NOL4: variants seen among roughly 807,000 people sequenced by gnomAD.
NOL4 encodes the protein cancer/testis antigen 125.
A neutral mutation model predicts 75.9 loss-of-function variants in NOL4; 17 were observed. That is an observed-to-expected ratio of 0.22 (90% confidence interval 0.15 to 0.34). The LOEUF is 0.34. NOL4 is among the 10% of genes least tolerant of loss of function. The probability of loss-of-function intolerance (pLI) is 1.00; values close to 1 mark genes in which losing one functional copy is unlikely to be tolerated. For synonymous variants in NOL4, 292 were observed against 289.9 expected (o/e 1.01, Z -0.07); for missense variants, 614 against 793.5 (o/e 0.77, Z 2.72).
intron 1 of NOL4, among the ~76,000 whole-genome samples, chr18:34,141,745 G>C (rs2145998963): frequency 6.6e-6 from 1 of 152,242 alleles, no homozygotes; most frequent in East Asian, 1.9e-4. Context: ...AGAAAACCTA[G>C]GCAATACCAT....
intron 6 of NOL4, among the ~76,000 whole-genome samples, chr18:33,964,770 T>C (rs2070444546): frequency 6.6e-6 from 1 of 152,150 alleles, no homozygotes; most frequent in Admixed American, 6.5e-5. Flanking sequence ...TGTCTGGAGC[T>C]AAATTCCATT....
chr18:33,874,013 G>T (rs1157520094), intron 10 of NOL4, among the ~76,000 whole-genome samples: 2 of 151,896 alleles, frequency 1.3e-5, no homozygotes, highest in East Asian at 1.9e-4. Context: ...CGGGGATGAA[G>T]AATTCATTTT....
At chr18:33,977,362 G>C (rs1439582860) in intron 6 of NOL4, among the ~76,000 whole-genome samples, 5 of 152,150 alleles carry the variant, frequency 3.3e-5, no homozygotes, top group Admixed American at 3.3e-4. Flanking sequence ...AATCATGGGG[G>C]AGAGTTTTTC....
chr18:33,923,040 A>T (rs2067130366), intron 9 of NOL4, among the ~76,000 whole-genome samples: 1 of 152,134 alleles, frequency 6.6e-6, no homozygotes, highest in Admixed American at 6.5e-5. Context: ...TATATATTTT[A>T]CCTGTCAGCT....
intron 1 of NOL4, among the ~76,000 whole-genome samples, chr18:34,152,415 C>A (rs978486192): frequency 6.6e-6 from 1 of 151,808 alleles, no homozygotes; most frequent in Non-Finnish European, 1.5e-5. Context: ...GGTTTGAAAA[C>A]AAAATAGTCT....
intron 1 of NOL4, among the ~76,000 whole-genome samples, chr18:34,203,475 A>G (rs1481355342): frequency 2.6e-5 from 4 of 151,828 alleles, no homozygotes; most frequent in Non-Finnish European, 5.9e-5. Flanking sequence ...AAATGTCAAA[A>G]AAGACTGGTA....
Position 33,958,360 on chromosome 18 carries a change from C to A in NOL4, c.1115G>T (p.Gly372Val), listed in dbSNP as rs945553282. ...DSGKNESVDR[G>V]AEDLSLNRGD... Reference sequence around the variant, plus strand: ...CCTGTTTAGTGAGAGGTCCTCAGCTCCTCGGTCTACACTCTCATTTTTGCC... The same window carrying A: ...CCTGTTTAGTGAGAGGTCCTCAGCTACTCGGTCTACACTCTCATTTTTGCC... The change falls in exon 7 of 11, where the codon GGA becomes GTA. Residue 372 changes from glycine (G) to valine (V), a missense_variant. Gly to Val is a moderately radical substitution (Grantham distance 109, BLOSUM62 -3). Around this residue, in one of 9 missense-constraint regions of NOL4, gnomAD observed 196 missense variants for 167.9 expected, o/e 1.17. Transcript: ENST00000261592. The A allele has an allele frequency of 2.5e-6, 4 of 1,613,650 alleles. No homozygotes were observed. The highest frequency in any genetic ancestry group is 2.2e-5 in the East Asian group (1 of 44,836).
chr18:34,175,434 C>G (rs192304980), intron 1 of NOL4, among the ~76,000 whole-genome samples: 20 of 152,230 alleles, frequency 1.3e-4, no homozygotes, highest in Admixed American at 1.0e-3. Flanking sequence ...AAAGGAAAAA[C>G]TAGCGAATGA....
intron 5 of NOL4, among the ~76,000 whole-genome samples, chr18:34,039,691 G>T (rs1057261726): frequency 7.9e-5 from 12 of 151,922 alleles, no homozygotes; most frequent in Admixed American, 7.2e-4. Context: ...GAAAACATCA[G>T]CAAAACATTG....
intron 1 of NOL4, among the ~76,000 whole-genome samples, chr18:34,216,186 A>T (rs1356722792): frequency 6.6e-6 from 1 of 152,216 alleles, no homozygotes; most frequent in Non-Finnish European, 1.5e-5. Context: ...ATAGAGTTAG[A>T]CAAGAAATTC....
intron 1 of NOL4, among the ~76,000 whole-genome samples, chr18:34,189,954 C>G (rs12964456): frequency 6.6e-6 from 1 of 150,746 alleles, no homozygotes; most frequent in Non-Finnish European, 1.5e-5. Context: ...TTTAGAGTTA[C>G]AATTCCAATA....
intron 5 of NOL4, among the ~76,000 whole-genome samples, chr18:34,060,023 C>G (rs533765280): frequency 1.3e-5 from 2 of 152,268 alleles, no homozygotes; most frequent in South Asian, 4.1e-4. Flanking sequence ...CCCACCAACA[C>G]TGGGAGAAGC....
At chr18:33,911,463 ACT>A (rs2066400982) in intron 9 of NOL4, among the ~76,000 whole-genome samples, 1 of 151,710 alleles carries the variant, frequency 6.6e-6, no homozygotes, top group Non-Finnish European at 1.5e-5. Flanking sequence ...TAAAAAGAAA[ACT>A]CTGAGTGATT....
In NOL4 at chr18:34,222,096, A is replaced by G. The variant is rs1464388903; in HGVS notation, c.264+894T>C. 8 of 1,534,558 alleles carry G rather than the reference A, an allele frequency of 5.2e-6. No homozygotes were observed. The African/African-American group carries it at 1.1e-4, about 21-fold the overall frequency. The stretch of plus-strand genomic sequence containing the variant: ...AGCCCACAGTTCCCATCTTCTTGTG[A>G]AGAAAATCGACGCTGCTGCGGCTCC... On this transcript the variant is annotated intron_variant, in intron 1 of 10. Transcript: ENST00000261592.
chr18:33,983,686 T>C (rs1259100135), intron 6 of NOL4, among the ~76,000 whole-genome samples: 3 of 151,804 alleles, frequency 2.0e-5, no homozygotes, highest in Non-Finnish European at 4.4e-5. Flanking sequence ...ATAATATATA[T>C]TTACATATAT....
intron 6 of NOL4, among the ~76,000 whole-genome samples, chr18:34,002,116 C>T (rs186193157): frequency 3.9e-5 from 6 of 152,254 alleles, no homozygotes; most frequent in Non-Finnish European, 7.4e-5. Flanking sequence ...CTTGACTCCA[C>T]CTTGGCTCAT....
chr18:34,129,936 C>T lies in NOL4; in HGVS notation c.349G>A (p.Val117Met), dbSNP rs765245993. Residue 117 changes from valine to methionine, a missense_variant, in exon 2 of 11, where the codon GTG becomes ATG. By Grantham distance (21) the Val-to-Met change is conservative. This residue lies in a region of NOL4 where 135 missense variants were observed against 220.4 expected (regional missense o/e 0.61). Coordinates refer to ENST00000261592, the MANE Select transcript of NOL4 (RefSeq NM_003787.5). ...DFFDIIYSMH[V>M]ETGPNGEQIR... ...TGTTCTCCATTTGGCCCCGTTTCCA[C>T]ATGCATCGAATAAATAATGTCAAAG... is the stretch of plus-strand genomic sequence containing the variant. 2 of 1,600,210 alleles carry T rather than the reference C, an allele frequency of 1.2e-6. No homozygotes were observed. Among genetic ancestry groups the T allele is most frequent in the East Asian group, 2.3e-5 (1 of 44,218 alleles).
At chr18:34,143,398 A>AT (rs1488081453) in intron 1 of NOL4, among the ~76,000 whole-genome samples, 3 of 152,158 alleles carry the variant, frequency 2.0e-5, no homozygotes, top group Non-Finnish European at 2.9e-5. Flanking sequence ...ACTTTCATTG[A>AT]TTTTTGCTGA....
chr18:33,921,064 T>C lies in NOL4; in HGVS notation c.1542+22001A>G, dbSNP rs1166181173. Among the ~76,000 whole-genome samples the C allele has an allele frequency of 2.6e-5, 4 of 152,316 alleles. No homozygotes were observed. In the East Asian group the frequency reaches 7.7e-4, roughly 29 times the overall value. ...GACTTTTAAACTTGCTTGGGAACTC[T>C]GATCCATTTTTTCCCTTTGGGATGG... is the stretch of plus-strand genomic sequence containing the variant. On this transcript the variant is annotated intron_variant, in intron 9 of 10. Transcript: ENST00000261592.
Sources: allele counts gnomAD v4.1 joint callset (sites outside exome capture counted in the v4.1 genomes callset), GRCh38; gene constraint gnomAD v4.1.1; regional missense constraint gnomAD v4.1.1; transcripts MANE v1.5; gene names NCBI Gene and HGNC (gene_info 2026-07-23, HGNC 2026-07-21).